The following VILL variants were observed in gnomAD, a reference collection of about 807,000 sequenced individuals.
VILL encodes villin like, also known as villin-like protein.
In VILL, 102 loss-of-function variants were observed where a neutral mutation model predicts 106.3. The ratio of observed to expected loss-of-function variants is 0.96; its 90% CI spans 0.82 to 1.13. VILL has a LOEUF of 1.13. Among genes scored for constraint, VILL ranks in the 50% most tolerant of loss-of-function variants. The probability of loss-of-function intolerance (pLI) is 0.00; values close to 1 mark genes in which losing one functional copy is unlikely to be tolerated. For synonymous variants in VILL, 431 were observed against 440.3 expected (o/e 0.98, Z 0.27); for missense variants, 1,076 against 1,116.6 (o/e 0.96, Z 0.52).
intron 3 of VILL, 133 bp downstream of exon 3, chr3:37,994,105 G>A: frequency 7.0e-7 from 1 of 1,435,942 alleles, no homozygotes; most frequent in South Asian, 1.2e-5. Flanking sequence ...CAAGGGGGCG[G>A]TTACCGTTGA....
chr3:38,004,187 G>A, intron 15 of VILL, 68 bp from the exon 16 acceptor site: 2 of 1,550,146 alleles, frequency 1.3e-6, no homozygotes, highest in Non-Finnish European at 1.8e-6. Context: ...CCCTGGGGTG[G>A]GGCACTTGTG....
At chr3:37,993,457 C>G in intron 1 of VILL, 130 bp from the exon 2 acceptor site, 2 of 570,188 alleles carry the variant, frequency 3.5e-6, no homozygotes, top group Non-Finnish European at 6.2e-6. Context: ...GTGTTTATGC[C>G]TAATCTGCCC....
rs201063775 is a variant in VILL at position 37,994,387 on chromosome 3, G to C, written c.262G>C (p.Gly88Arg). The change falls in exon 4 of 20, where the codon GGG becomes CGG. Residue 88 changes from glycine to arginine, a missense_variant. Transcript: ENST00000383759. ...AFQQRLQDEL[G>R]GQTVLHREAQ... The stretch of plus-strand genomic sequence containing the variant: ...CCAGCAGCGCCTACAGGACGAGCTG[G>C]GGGGCCAGACCGTGCTGCACCGCGA... 2.9e-4 allele frequency: 473 copies of C among 1,612,512 alleles called. 1 individual carries two copies. In the East Asian group the frequency reaches 8.1e-3, roughly 28 times the overall value.
At position 37,998,908 on chromosome 3, in the gene VILL, C is replaced by T; in HGVS notation, c.943-4C>T. 1 of 1,593,910 alleles carries T rather than the reference C, an allele frequency of 6.3e-7. No homozygotes were observed. Among genetic ancestry groups the T allele is most frequent in the Non-Finnish European group, 8.6e-7 (1 of 1,165,454 alleles). ...CGCAGGACTGACGATGCCTTCCGCC[C>T]CAGGGCTTCATCCAGGCCAAGGGCT... On this transcript the variant is annotated splice_polypyrimidine_tract_variant and splice_region_variant and intron_variant, in intron 9 of 19. Coordinates refer to ENST00000383759, the MANE Select transcript of VILL (RefSeq NM_015873.4). The surrounding 1 kb of genome is among the most constrained non-coding windows in gnomAD (Gnocchi z 4.1).
At chr3:37,988,661 G>A (rs1262785209), upstream of VILL, among the ~76,000 whole-genome samples, 3 of 152,158 alleles carry the variant, frequency 2.0e-5, no homozygotes, top group South Asian at 2.1e-4. Context: ...TCAGGAGTTC[G>A]CAACCAGCCT....
chr3:37,997,268 A>G lies in VILL; in HGVS notation c.561+81A>G. On this transcript the variant is annotated intron_variant, in intron 6 of 19. Transcript: ENST00000383759. This position sits in a 1 kb window ranked among gnomAD's most constrained non-coding sequence, Gnocchi z 4.7. ...CCAGTTGACCATCCTCCGGCCACCC[A>G]AAGAGTTGGGCTTGGCTCTGCTACA... The G allele has an allele frequency of 6.9e-7, 1 of 1,458,246 alleles. No homozygotes were observed. The highest frequency in any genetic ancestry group is 1.2e-5 in the South Asian group (1 of 85,928). 90.3% of individuals were successfully genotyped at this position (1,458,246 alleles called of 1,614,324 possible).
intron 2 of VILL, 49 bp downstream of exon 2, chr3:37,993,781 G>C: frequency 6.2e-7 from 1 of 1,609,094 alleles, no homozygotes; most frequent in Non-Finnish European, 8.5e-7. Flanking sequence ...AAGAGCGTGG[G>C]GTTTTCCACA....
At chr3:37,989,277 C>T (rs1699583132), upstream of VILL, among the ~76,000 whole-genome samples, 2 of 152,130 alleles carry the variant, frequency 1.3e-5, no homozygotes, top group South Asian at 2.1e-4. Flanking sequence ...TGAGACCAAA[C>T]GTGCTGGGAG....
At position 37,997,039 on chromosome 3, in the gene VILL, G is replaced by A. The variant is rs1423156650; in HGVS notation, c.451-38G>A. On this transcript the variant is annotated intron_variant, in intron 5 of 19. Coordinates refer to ENST00000383759, the MANE Select transcript of VILL (RefSeq NM_015873.4). The surrounding 1 kb of genome is among the most constrained non-coding windows in gnomAD (Gnocchi z 4.7). ...CTATGCTCCCCTCTAGCGGATGCTG[G>A]TGGTATGACACTCTGTCTCTCTCCC... 3 of 1,583,918 alleles carry A rather than the reference G, an allele frequency of 1.9e-6. No homozygotes were observed. Among genetic ancestry groups the A allele is most frequent in the Admixed American group, 3.3e-5 (2 of 59,914 alleles).
Position 38,007,027 on chromosome 3 carries a change from A to G in VILL, c.2543A>G (p.Gln848Arg). 1 of 1,614,150 alleles carries G rather than the reference A, an allele frequency of 6.2e-7. No individual in the cohort carries two copies. The highest frequency in any genetic ancestry group is 8.5e-7 in the Non-Finnish European group (1 of 1,180,010). Residue 848 changes from glutamine (Q) to arginine (R), a missense_variant, in exon 20 of 20, where the codon CAG (glutamine) becomes CGG (arginine). Physicochemically the swap from Gln to Arg is conservative, Grantham distance 43 (BLOSUM62 1). Transcript: ENST00000383759. ...FYSMATWRQR[Q>R]EKKQLGFF ...AGCATGGCCACGTGGAGGCAGCGGC[A>G]GGAGAAAAAGCAGCTGGGCTTCTTC... is the stretch of plus-strand genomic sequence containing the variant.
In VILL at chr3:37,997,574, A is replaced by T; in HGVS notation, c.653A>T (p.Asp218Val). 1 of 1,613,976 alleles carries T rather than the reference A, an allele frequency of 6.2e-7. No homozygotes were observed. Among genetic ancestry groups the T allele is most frequent in the Non-Finnish European group, 8.5e-7 (1 of 1,179,994 alleles). ...GVVDDEAKAP[D>V]LMQIMEAVLG... is the part of the protein sequence containing the mutation. ...GTGGATGATGAGGCCAAAGCCCCGG[A>T]CCTCATGCAGATCATGGAGGCTGTG... Residue 218 changes from aspartate to valine, a missense_variant, in exon 7 of 20, where the codon GAC (aspartate) becomes GTC (valine). Coordinates refer to ENST00000383759, the MANE Select transcript of VILL (RefSeq NM_015873.4). The surrounding 1 kb of genome is among the most constrained non-coding windows in gnomAD (Gnocchi z 4.7).
upstream of VILL, among the ~76,000 whole-genome samples, chr3:37,988,705 A>C (rs1040217143): frequency 1.3e-5 from 2 of 152,156 alleles, no homozygotes; most frequent in Non-Finnish European, 2.9e-5. Flanking sequence ...TCTACCAAAA[A>C]TACAAAATTA....
At position 37,997,649 on chromosome 3, in the gene VILL, T is replaced by C; in HGVS notation, c.728T>C (p.Ile243Thr). ...SLRAATPSKDINQLQKANVRL... is the reference protein window; with the variant it reads ...SLRAATPSKDTNQLQKANVRL... ...CGTGCCGCCACGCCCAGCAAGGATATCAACCAGCTGCAGAAGGCCAATGTT... is the reference window on the plus strand; with the variant it reads ...CGTGCCGCCACGCCCAGCAAGGATACCAACCAGCTGCAGAAGGCCAATGTT... The change falls in exon 7 of 20, where the codon ATC (isoleucine) becomes ACC (threonine). Residue 243 changes from isoleucine to threonine, a missense_variant. Physicochemically the swap from Ile to Thr is moderately conservative, Grantham distance 89. Coordinates refer to ENST00000383759, the MANE Select transcript of VILL (RefSeq NM_015873.4). The surrounding 1 kb of genome is among the most constrained non-coding windows in gnomAD (Gnocchi z 4.7). The C allele has an allele frequency of 7.2e-7, 1 of 1,384,810 alleles. No individual in the cohort carries two copies. The highest frequency in any genetic ancestry group is 1.5e-5 in the African/African-American group (1 of 66,468). 85.8% of individuals were successfully genotyped at this position (1,384,810 alleles called of 1,614,324 possible).
chr3:38,001,625 T>G, intron 12 of VILL, 32 bp downstream of exon 12: 1 of 1,613,654 alleles, frequency 6.2e-7, no homozygotes, highest in Non-Finnish European at 8.5e-7. Context: ...AGCACTCACC[T>G]TAAAGCCCAA....
Position 38,003,296 on chromosome 3 carries a change from C to T in VILL, c.1788C>T (p.Pro596=), listed in dbSNP as rs1007441072. The change falls in exon 15 of 20, where the codon CCC becomes CCT. Residue 596 remains proline, a synonymous_variant. Transcript: ENST00000383759. ...GGGAGGCCCTGGGAGGCCGGGCCCC[C>T]TACCCCAGCAACAAGAGGTAACAGG... ...HFWEALGGRA[P]YPSNKRLPEE... The T allele has an allele frequency of 6.2e-7, 1 of 1,610,828 alleles. No individual in the cohort carries two copies.
Position 37,997,106 on chromosome 3 carries a change from G to C in VILL, c.480G>C (p.Lys160Asn), listed in dbSNP as rs1699716420. ...AGCTCTCCTGGAACAGCTTTAATAA[G>C]GGTGACATCTTCCTGCTGGACCTAG... ...EVELSWNSFN[K>N]GDIFLLDLGK... The change falls in exon 6 of 20, where the codon AAG becomes AAC. Residue 160 changes from lysine (K) to asparagine (N), a missense_variant. Coordinates refer to ENST00000383759, the MANE Select transcript of VILL (RefSeq NM_015873.4). This position sits in a 1 kb window ranked among gnomAD's most constrained non-coding sequence, Gnocchi z 4.7. The C allele has an allele frequency of 3.7e-6, 6 of 1,613,986 alleles. No individual in the cohort carries two copies. Among genetic ancestry groups the C allele is most frequent in the Non-Finnish European group, 5.1e-6 (6 of 1,180,016 alleles).
Position 37,998,045 on chromosome 3 carries a change from C to T in VILL, c.765-45C>T. 1 of 1,544,976 alleles carries T rather than the reference C, an allele frequency of 6.5e-7. No homozygotes were observed. The highest frequency in any genetic ancestry group is 1.2e-5 in the South Asian group (1 of 84,898). ...AAATGGGGCTGGAGTGGAGACAGATCAGGGAGGGGCTGGGCTGGCCACTCC... is the reference window on the plus strand; with the variant it reads ...AAATGGGGCTGGAGTGGAGACAGATTAGGGAGGGGCTGGGCTGGCCACTCC... On this transcript the variant is annotated intron_variant, in intron 7 of 19. Coordinates refer to ENST00000383759, the MANE Select transcript of VILL (RefSeq NM_015873.4). The surrounding 1 kb of genome is among the most constrained non-coding windows in gnomAD (Gnocchi z 4.1).
Position 37,993,888 on chromosome 3 carries a change from C to T in VILL, c.61-10C>T. The T allele has an allele frequency of 6.2e-7, 1 of 1,614,174 alleles. No individual in the cohort carries two copies. Among genetic ancestry groups the T allele is most frequent in the Non-Finnish European group, 8.5e-7 (1 of 1,180,012 alleles). Reference sequence around the variant, plus strand: ...CTCCTGAGTTGTTACAGGGAACTCTCCTCTCCCAGAACCGGAAGATGGTGC... The same window carrying T: ...CTCCTGAGTTGTTACAGGGAACTCTTCTCTCCCAGAACCGGAAGATGGTGC... On this transcript the variant is annotated splice_polypyrimidine_tract_variant and intron_variant, in intron 2 of 19. Coordinates refer to ENST00000383759, the MANE Select transcript of VILL (RefSeq NM_015873.4).
rs745690057 is a variant in VILL at position 37,993,884 on chromosome 3, C to T, written c.61-14C>T. Reference sequence around the variant, plus strand: ...AGGCCTCCTGAGTTGTTACAGGGAACTCTCCTCTCCCAGAACCGGAAGATG... The same window carrying T: ...AGGCCTCCTGAGTTGTTACAGGGAATTCTCCTCTCCCAGAACCGGAAGATG... On this transcript the variant is annotated splice_polypyrimidine_tract_variant and intron_variant, in intron 2 of 19. Coordinates refer to ENST00000383759, the MANE Select transcript of VILL (RefSeq NM_015873.4). The T allele has an allele frequency of 1.7e-5, 27 of 1,614,172 alleles. No homozygotes were observed. The highest frequency in any genetic ancestry group is 1.4e-5 in the Non-Finnish European group (17 of 1,180,006).
Sources: allele counts gnomAD v4.1 joint callset (sites outside exome capture counted in the v4.1 genomes callset), GRCh38; gene constraint gnomAD v4.1.1; non-coding constraint Gnocchi (gnomAD v3.1); transcripts MANE v1.5; gene names NCBI Gene and HGNC (gene_info 2026-07-23, HGNC 2026-07-21).